Variants in SLC24A2 observed in about 807,000 individuals in gnomAD.
SLC24A2 encodes sodium/potassium/calcium exchanger 2.
SLC24A2 carries 36 observed loss-of-function variants against 62.0 expected under a neutral mutation model. The observed-to-expected ratio is 0.58, with a 90% CI of 0.44 to 0.77. The LOEUF (loss-of-function observed/expected upper bound fraction) is 0.77. SLC24A2 is among the 30% of genes least tolerant of loss of function. The pLI is 0.00. For synonymous variants in SLC24A2, 358 were observed against 294.0 expected (o/e 1.22, Z -2.23); for missense variants, 846 against 817.9 (o/e 1.03, Z -0.42).
the SLC24A2 span, among the ~76,000 whole-genome samples, chr9:20,171,334 T>C: frequency 6.6e-6 from 1 of 151,450 alleles, no homozygotes; most frequent in African/African-American, 2.4e-5. Context: ...AGGCAACAAA[T>C]AGCATGATGA....
intron 7 of SLC24A2, among the ~76,000 whole-genome samples, chr9:19,571,959 A>G (rs1401449830): frequency 6.6e-6 from 1 of 152,174 alleles, no homozygotes; most frequent in Non-Finnish European, 1.5e-5. Flanking sequence ...ACTGAGCTTC[A>G]GTTTCCTCAA....
the SLC24A2 span, among the ~76,000 whole-genome samples, chr9:20,082,841 A>C: frequency 1.3e-5 from 2 of 152,352 alleles, no homozygotes; most frequent in Admixed American, 1.3e-4. Flanking sequence ...AACAAACAAC[A>C]ACAAAAATTA....
chr9:20,031,388 A>T, the SLC24A2 span, among the ~76,000 whole-genome samples: 10 of 146,296 alleles, frequency 6.8e-5, no homozygotes, highest in African/African-American at 2.5e-4. Context: ...TTTTTTCTGT[A>T]CTTATAAAGT....
At chr9:20,032,991 G>T in the SLC24A2 span, among the ~76,000 whole-genome samples, 6 of 152,150 alleles carry the variant, frequency 3.9e-5, no homozygotes, top group Non-Finnish European at 8.8e-5. Flanking sequence ...AAATACCTTG[G>T]TGAATCAGAT....
intron 8 of SLC24A2, among the ~76,000 whole-genome samples, chr9:19,544,420 CACATTT>C (rs1834444094): frequency 6.6e-6 from 1 of 152,064 alleles, no homozygotes; most frequent in African/African-American, 2.4e-5. Flanking sequence ...GGGAATTTAT[CACATTT>C]ACATTTAAGG....
chr9:19,759,486 T>C (rs997079981), intron 2 of SLC24A2, among the ~76,000 whole-genome samples: 3 of 152,220 alleles, frequency 2.0e-5, no homozygotes, highest in South Asian at 2.1e-4. Flanking sequence ...CAGAACAATA[T>C]TCTTTAGTCA....
At chr9:20,172,856 G>C in the SLC24A2 span, among the ~76,000 whole-genome samples, 1 of 151,902 alleles carries the variant, frequency 6.6e-6, no homozygotes, top group African/African-American at 2.4e-5. Flanking sequence ...TGTGAAGCCT[G>C]TATCACTTTA....
chr9:20,273,196 C>A, the SLC24A2 span, among the ~76,000 whole-genome samples: 1 of 152,158 alleles, frequency 6.6e-6, no homozygotes, highest in Non-Finnish European at 1.5e-5. Flanking sequence ...GAGAAGACAG[C>A]GTAAGCAGAA....
chr9:19,738,419 A>G (rs1821572823), intron 2 of SLC24A2, among the ~76,000 whole-genome samples: 1 of 152,192 alleles, frequency 6.6e-6, no homozygotes, highest in Non-Finnish European at 1.5e-5. Flanking sequence ...GAACGCATGC[A>G]TTCTTTAATA....
At chr9:19,564,955 G>C (rs559197847) in intron 7 of SLC24A2, among the ~76,000 whole-genome samples, 13 of 152,072 alleles carry the variant, frequency 8.5e-5, no homozygotes, top group Non-Finnish European at 1.9e-4. Flanking sequence ...GTAAGAAAAT[G>C]CTGGGTTCTG....
At position 19,522,906 on chromosome 9, in the gene SLC24A2, T is replaced by G. The variant is rs369893962; in HGVS notation, c.1570-1846A>C. ...TGTCAGTTTTTTGTTAGATTTGGAG[T>G]GAAGCATTGCCAAAGACTGAGCAGA... On this transcript the variant is annotated intron_variant, in intron 9 of 10. Transcript: ENST00000341998. Among the ~76,000 whole-genome samples, 9 of 152,188 alleles carry G rather than the reference T, an allele frequency of 5.9e-5. No individual in the cohort carries two copies. In the East Asian group the frequency reaches 1.3e-3, roughly 23 times the overall value.
intron 2 of SLC24A2, among the ~76,000 whole-genome samples, chr9:19,754,809 C>CCT (rs1199235569): frequency 1.3e-5 from 2 of 152,068 alleles, no homozygotes; most frequent in African/African-American, 4.8e-5. Context: ...CATCCCGATT[C>CCT]CTCTCCTGCT....
chr9:19,989,544 T>G, the SLC24A2 span, among the ~76,000 whole-genome samples: 1 of 152,210 alleles, frequency 6.6e-6, no homozygotes, highest in Non-Finnish European at 1.5e-5. Flanking sequence ...GTTCTTAGGT[T>G]ATGCTTTATA....
Position 19,673,358 on chromosome 9 carries a change from C to G in SLC24A2, c.931-51059G>C, listed in dbSNP as rs149573444. ...TTTGTCTTATGTAAGAATAGCTACT[C>G]CTGTTTGCTTTTGGTGTCCATTTGC... On this transcript the variant is annotated intron_variant, in intron 2 of 10. Transcript: ENST00000341998. Among the ~76,000 whole-genome samples, 250 of 146,314 alleles carry G rather than the reference C, an allele frequency of 1.7e-3. 52 individuals carry two copies. The highest frequency in any genetic ancestry group is 6.6e-3 in the African/African-American group (244 of 37,058).
the SLC24A2 span, among the ~76,000 whole-genome samples, chr9:20,047,954 A>T: frequency 6.6e-6 from 1 of 152,134 alleles, no homozygotes; most frequent in Non-Finnish European, 1.5e-5. Flanking sequence ...TAGATAGGTT[A>T]GTAGTTAGGT....
At chr9:20,192,565 G>C in the SLC24A2 span, among the ~76,000 whole-genome samples, 1 of 152,076 alleles carries the variant, frequency 6.6e-6, no homozygotes, top group African/African-American at 2.4e-5. Context: ...TCCAGATAGA[G>C]CCCTGGAATG....
the SLC24A2 span, among the ~76,000 whole-genome samples, chr9:20,069,446 G>T: frequency 6.6e-6 from 1 of 152,130 alleles, no homozygotes; most frequent in African/African-American, 2.4e-5. Flanking sequence ...CATGCAAACA[G>T]AAAGTGTATA....
chr9:19,684,096 A>G (rs1456045832), intron 2 of SLC24A2, among the ~76,000 whole-genome samples: 1 of 152,160 alleles, frequency 6.6e-6, no homozygotes, highest in Non-Finnish European at 1.5e-5. Flanking sequence ...GCTCTAGGGG[A>G]CCAGGCAGCA....
Position 19,632,359 on chromosome 9 carries a change from A to C in SLC24A2, c.931-10060T>G, listed in dbSNP as rs1332100339. 6.6e-6 allele frequency among the ~76,000 whole-genome samples: 1 copy of C among 152,164 alleles called. No homozygotes were observed. The highest frequency in any genetic ancestry group is 1.5e-5 in the Non-Finnish European group (1 of 68,046). Reference sequence around the variant, plus strand: ...TTAAAAAATCACCCATTCATTCTTCATCACATGTTTAATGAGCATCTTATA... The same window carrying C: ...TTAAAAAATCACCCATTCATTCTTCCTCACATGTTTAATGAGCATCTTATA... On this transcript the variant is annotated intron_variant, in intron 2 of 10. Transcript: ENST00000341998. The surrounding 1 kb of genome is among the most constrained non-coding windows in gnomAD (Gnocchi z 4.5).
Sources: allele counts gnomAD v4.1 joint callset (sites outside exome capture counted in the v4.1 genomes callset), GRCh38; gene constraint gnomAD v4.1.1; non-coding constraint Gnocchi (gnomAD v3.1); transcripts MANE v1.5; gene names NCBI Gene and HGNC (gene_info 2026-07-23, HGNC 2026-07-21).